Variants in ZNF142 observed in about 807,000 individuals in gnomAD.
ZNF142 encodes the protein zinc finger protein 142 (clone pHZ-49).
A neutral mutation model predicts 132.1 loss-of-function variants in ZNF142; 96 were observed. That is an observed-to-expected ratio of 0.73 (90% CI 0.62 to 0.86). The LOEUF (loss-of-function observed/expected upper bound fraction) is 0.86. Ranked by LOEUF, ZNF142 falls within the 40% of genes least tolerant of loss-of-function variation. The pLI is 0.00. For missense variants in ZNF142, 2,163 were observed against 2,336.2 expected (o/e 0.93, Z 1.53); for synonymous variants, 842 against 890.1 (o/e 0.95, Z 0.96).
In ZNF142 at chr2:218,635,803, G is replaced by C; in HGVS notation, c.*2536C>G. On this transcript the variant is annotated 3_prime_UTR_variant, in exon 11 of 11. Coordinates refer to ENST00000411696, the MANE Select transcript of ZNF142 (RefSeq NM_001379659.1). ...CCAGAGCCCTGACTACAGGTGATCA[G>C]CGGTCAGCAACTCCCCAAAGTGGAC... The C allele has an allele frequency of 2.5e-6, 4 of 1,612,380 alleles. No individual in the cohort carries two copies. Among genetic ancestry groups the C allele is most frequent in the Non-Finnish European group, 8.5e-7 (1 of 1,179,254 alleles).
chr2:218,644,386 T>C lies in ZNF142; in HGVS notation c.2730A>G (p.Pro910=). The part of the protein sequence containing the change: ...LGVELESVTE[P]PLEEVTETAP... ...CTGTTTCAGTGACCTCCTCAAGGGGTGGCTCAGTCACAGACTCCAGCTCTA... is the reference window on the plus strand; with the variant it reads ...CTGTTTCAGTGACCTCCTCAAGGGGCGGCTCAGTCACAGACTCCAGCTCTA... The change falls in exon 9 of 11, where the codon CCA becomes CCG. Residue 910 remains proline (P), a synonymous_variant. Transcript: ENST00000411696. This position sits in a 1 kb window ranked among gnomAD's most constrained non-coding sequence, Gnocchi z 4.6. The C allele has an allele frequency of 2.5e-6, 4 of 1,613,952 alleles. No individual in the cohort carries two copies. The highest frequency in any genetic ancestry group is 3.4e-6 in the Non-Finnish European group (4 of 1,179,958).
intron 4 of ZNF142, 86 bp downstream of exon 4, chr2:218,656,064 C>T (rs1000183179): frequency 2.5e-5 from 35 of 1,398,324 alleles, no homozygotes; most frequent in Non-Finnish European, 3.2e-5. Flanking sequence ...CTTGTGTTCT[C>T]ATCATATTTA....
rs1169012798 is a variant in ZNF142 at position 218,656,455 on chromosome 2, T to G, written c.-26A>C. ...CACCACCGACTTGTGTGTTTTGGCT[T>G]CTTAAATGCTGACAAGCCAACCAGA... On this transcript the variant is annotated 5_prime_UTR_variant, in exon 4 of 11. Transcript: ENST00000411696. 7.0e-7 allele frequency: 1 copy of G among 1,419,588 alleles called. No homozygotes were observed. Among genetic ancestry groups the G allele is most frequent in the Non-Finnish European group, 9.3e-7 (1 of 1,079,408 alleles). 87.9% of individuals were successfully genotyped at this position (1,419,588 alleles called of 1,614,324 possible).
intron 4 of ZNF142, among the ~76,000 whole-genome samples, chr2:218,652,981 T>TA (rs113824084): frequency 0.99 from 147,738 of 149,364 alleles, 73,076 homozygotes; most frequent in Non-Finnish European, 1. Flanking sequence ...TTTTTGTTGT[T>TA]AAAAAAAAAA....
chr2:218,643,143 G>T lies in ZNF142; in HGVS notation c.3973C>A (p.Arg1325=), dbSNP rs201737913. 6.2e-7 allele frequency: 1 copy of T among 1,614,138 alleles called. No homozygotes were observed. The highest frequency in any genetic ancestry group is 2.2e-5 in the East Asian group (1 of 44,888). The change falls in exon 9 of 11, where the codon CGG becomes AGG. Residue 1325 remains arginine, a synonymous_variant. Coordinates refer to ENST00000411696, the MANE Select transcript of ZNF142 (RefSeq NM_001379659.1). ...CCAGACTCCTCGAGGGGGCAGCCCC[G>T]GATCTGGTGAGTCCTCAGAGCCCGT... The part of the protein sequence containing the change: ...QERALRTHQI[R]GCPLEESGEL...
chr2:218,648,935 T>G lies in ZNF142; in HGVS notation c.1573A>C (p.Met525Leu), dbSNP rs943766974. Reference sequence around the variant, plus strand: ...ATGGCTTCGGCTGTGGCAAAGAGCATGGGACATGAGTGATGGCGGCACTCC... The same window carrying G: ...ATGGCTTCGGCTGTGGCAAAGAGCAGGGGACATGAGTGATGGCGGCACTCC... ...AVECRHHSCP[M>L]LFATAEAMEA... Residue 525 changes from methionine to leucine, a missense_variant, in exon 7 of 11, where the codon ATG becomes CTG. Transcript: ENST00000411696. 1 of 1,613,526 alleles carries G rather than the reference T, an allele frequency of 6.2e-7. No individual in the cohort carries two copies. Among genetic ancestry groups the G allele is most frequent in the African/African-American group, 1.3e-5 (1 of 75,044 alleles).
chr2:218,638,412 T>TG lies in ZNF142; in HGVS notation c.5590dup (p.His1864ProfsTer4). On this transcript the variant is annotated frameshift_variant, in exon 11 of 11. Coordinates refer to ENST00000411696, the MANE Select transcript of ZNF142 (RefSeq NM_001379659.1). LOFTEE classifies it high-confidence loss of function. Reference sequence around the variant, plus strand: ...ATCCTCCAGCTGCACATCATGCAGGTGCACTGTGGGGGTGGTGGGGTCTTT... The same window carrying TG: ...ATCCTCCAGCTGCACATCATGCAGGTGGCACTGTGGGGGTGGTGGGGTCTTT... The TG allele has an allele frequency of 6.5e-7, 1 of 1,549,840 alleles. No individual in the cohort carries two copies. Among genetic ancestry groups the TG allele is most frequent in the Non-Finnish European group, 8.7e-7 (1 of 1,143,038 alleles).
At position 218,636,433 on chromosome 2, in the gene ZNF142, T is replaced by C. The variant is rs753034648; in HGVS notation, c.*1906A>G. On this transcript the variant is annotated 3_prime_UTR_variant, in exon 11 of 11. Coordinates refer to ENST00000411696, the MANE Select transcript of ZNF142 (RefSeq NM_001379659.1). Reference sequence around the variant, plus strand: ...TGGCCCCTGGCCAATACCCCAGCTCTGGCTGCCTTCCTAATGCTGTCCTCC... The same window carrying C: ...TGGCCCCTGGCCAATACCCCAGCTCCGGCTGCCTTCCTAATGCTGTCCTCC... The C allele has an allele frequency of 8.1e-6, 13 of 1,613,874 alleles. 1 individual carries two copies. The Admixed American group carries it at 1.3e-4, about 17-fold the overall frequency.
chr2:218,651,465 C>T (rs551702536), intron 5 of ZNF142, among the ~76,000 whole-genome samples: 11 of 152,234 alleles, frequency 7.2e-5, no homozygotes, highest in South Asian at 4.1e-4. Flanking sequence ...TCAGGCCACA[C>T]GTAGCCTAAG....
chr2:218,640,060 T>TTAAAAAA (rs1697049801), intron 10 of ZNF142, among the ~76,000 whole-genome samples: 1 of 2,284 alleles, frequency 4.4e-4, no homozygotes, highest in African/African-American at 6.6e-4. Context: ...AGACTCTGTC[T>TTAAAAAA]CAAAAAAAAA....
rs370612736 is a variant in ZNF142, at chr2:218,633,703, C to A, written c.*4636G>T. 1.2e-6 allele frequency: 2 copies of A among 1,614,004 alleles called. No homozygotes were observed. Among genetic ancestry groups the A allele is most frequent in the Admixed American group, 3.3e-5 (2 of 60,016 alleles). On this transcript the variant is annotated 3_prime_UTR_variant, in exon 11 of 11. Coordinates refer to ENST00000411696, the MANE Select transcript of ZNF142 (RefSeq NM_001379659.1). ...TCACACATTCAAAGGAGCACTACCA[C>A]TTCTACGAGATATCATCTTTCTCTG...
chr2:218,645,574 C>T (rs1334149813), intron 8 of ZNF142, among the ~76,000 whole-genome samples: 3 of 152,122 alleles, frequency 2.0e-5, no homozygotes, highest in Non-Finnish European at 4.4e-5. Flanking sequence ...TATCCACTTT[C>T]CCAGGGCCAA....
At chr2:218,653,885 T>G (rs1025685379) in intron 4 of ZNF142, among the ~76,000 whole-genome samples, 1 of 152,162 alleles carries the variant, frequency 6.6e-6, no homozygotes, top group Admixed American at 6.5e-5. Flanking sequence ...GGTCTCTCTC[T>G]GTCACCCAGG....
Position 218,656,344 on chromosome 2 carries a change from G to C in ZNF142, c.86C>G (p.Pro29Arg), listed in dbSNP as rs1389130576. 6.3e-7 allele frequency: 1 copy of C among 1,584,394 alleles called. No homozygotes were observed. Among genetic ancestry groups the C allele is most frequent in the Non-Finnish European group, 8.6e-7 (1 of 1,162,214 alleles). ...CAGGATTCCACGGTTAGAGAGAGGC[G>C]GGGGGATCAGCAATAGCTCAGGGCA... ...GLCPELLLIP[P>R]PLSNRGILGP... The change falls in exon 4 of 11, where the codon CCG (proline) becomes CGG (arginine). Residue 29 changes from proline (P) to arginine (R), a missense_variant. Pro to Arg is a moderately radical substitution (Grantham distance 103). Transcript: ENST00000411696.
Position 218,642,968 on chromosome 2 carries a change from C to G in ZNF142, c.4148G>C (p.Ser1383Thr). The change falls in exon 9 of 11, where the codon AGC becomes ACC. Residue 1383 changes from serine to threonine, a missense_variant. Coordinates refer to ENST00000411696, the MANE Select transcript of ZNF142 (RefSeq NM_001379659.1). The surrounding 1 kb of genome is among the most constrained non-coding windows in gnomAD (Gnocchi z 4.6). ...CGDCGFTCKQ[S>T]RCMQQHRRLK... is the part of the protein sequence containing the mutation. The stretch of plus-strand genomic sequence containing the variant: ...CCGCCGGTGCTGCTGCATGCAACGG[C>G]TCTGTTTACAGGTGAAGCCACAGTC... 6.2e-7 allele frequency: 1 copy of G among 1,613,416 alleles called. No individual in the cohort carries two copies. The highest frequency in any genetic ancestry group is 8.5e-7 in the Non-Finnish European group (1 of 1,179,786).
chr2:218,650,634 A>C (rs1575078284), intron 5 of ZNF142, 108 bp from the exon 6 acceptor site: 1 of 1,124,786 alleles, frequency 8.9e-7, no homozygotes, highest in East Asian at 2.6e-5. Context: ...CACTTTTAGC[A>C]TAAGGAGATC....
At chr2:218,653,654 C>T (rs1938225069) in intron 4 of ZNF142, among the ~76,000 whole-genome samples, 1 of 152,062 alleles carries the variant, frequency 6.6e-6, no homozygotes, top group Non-Finnish European at 1.5e-5. Context: ...CCAGCACCTT[C>T]ACACGCACAA....
At position 218,643,263 on chromosome 2, in the gene ZNF142, C is replaced by T; in HGVS notation, c.3853G>A (p.Glu1285Lys). Reference protein sequence around the residue: ...DSAPPKNGSTESSSGDGDTVL... With the variant: ...DSAPPKNGSTKSSSGDGDTVL... The stretch of plus-strand genomic sequence containing the variant: ...GTATCCCCATCACCAGAGCTGGACT[C>T]TGTACTCCCATTCTTCGGGGGAGCA... The change falls in exon 9 of 11, where the codon GAG becomes AAG. Residue 1285 changes from glutamate (E) to lysine (K), a missense_variant. By Grantham distance (56) the Glu-to-Lys change is moderately conservative (BLOSUM62 1). This residue lies in a region of ZNF142 where 809 missense variants were observed against 801.7 expected (regional missense o/e 1.01). Transcript: ENST00000411696. 6.2e-7 allele frequency: 1 copy of T among 1,614,242 alleles called. No homozygotes were observed. The highest frequency in any genetic ancestry group is 8.5e-7 in the Non-Finnish European group (1 of 1,180,042).
rs748981213 is a variant in ZNF142, at chr2:218,656,135, C to T, written c.280+15G>A. ...GCTGCTTGTCCCACTGGCCTGCTTG[C>T]AACTGTGTTTGTACCTGGGGTCTCT... is the stretch of plus-strand genomic sequence containing the variant. On this transcript the variant is annotated intron_variant, in intron 4 of 10. Coordinates refer to ENST00000411696, the MANE Select transcript of ZNF142 (RefSeq NM_001379659.1). The T allele has an allele frequency of 6.6e-7, 1 of 1,520,792 alleles. No homozygotes were observed. Among genetic ancestry groups the T allele is most frequent in the Non-Finnish European group, 8.9e-7 (1 of 1,127,334 alleles). 94.2% of individuals were successfully genotyped at this position (1,520,792 alleles called of 1,614,324 possible).
Sources: allele counts gnomAD v4.1 joint callset (sites outside exome capture counted in the v4.1 genomes callset), GRCh38; gene constraint gnomAD v4.1.1; regional missense constraint gnomAD v4.1.1; non-coding constraint Gnocchi (gnomAD v3.1); transcripts MANE v1.5; gene names NCBI Gene and HGNC (gene_info 2026-07-23, HGNC 2026-07-21).